Variants in AGBL4 observed in about 807,000 individuals in gnomAD.
The protein encoded by AGBL4 is cytosolic carboxypeptidase 6.
In AGBL4, 58 loss-of-function variants were observed where a neutral mutation model predicts 66.4. That is an observed-to-expected ratio of 0.87 (90% confidence interval 0.71 to 1.09). The LOEUF (loss-of-function observed/expected upper bound fraction) is 1.09, where lower values mean the gene tolerates loss of function less well. AGBL4 is among the 50% of genes least tolerant of loss of function. The pLI, the probability that AGBL4 is intolerant of heterozygous loss-of-function variation, is 0.00. For synonymous variants in AGBL4, 234 were observed against 222.9 expected (o/e 1.05, Z -0.44); for missense variants, 579 against 631.0 (o/e 0.92, Z 0.88).
chr1:49,965,939 ATTTT>A (rs1166636337), intron 1 of AGBL4, among the ~76,000 whole-genome samples: 1 of 136,508 alleles, frequency 7.3e-6, no homozygotes. Flanking sequence ...TATTACAATG[ATTTT>A]TTTTTTTTTT....
At chr1:48,692,336 C>G (rs1055657593) in intron 6 of AGBL4, among the ~76,000 whole-genome samples, 9 of 152,186 alleles carry the variant, frequency 5.9e-5, no homozygotes, top group African/African-American at 1.9e-4. Context: ...AGAACCAGTA[C>G]TGGGGGCGGC....
intron 6 of AGBL4, among the ~76,000 whole-genome samples, chr1:48,747,188 C>T (rs1026148359): frequency 6.6e-6 from 1 of 152,040 alleles, no homozygotes; most frequent in African/African-American, 2.4e-5. Context: ...TACAATCTGG[C>T]GCAGATATTT....
chr1:49,851,761 A>G (rs1646311611), intron 1 of AGBL4, among the ~76,000 whole-genome samples: 1 of 152,158 alleles, frequency 6.6e-6, no homozygotes, highest in Non-Finnish European at 1.5e-5. Context: ...GTATCTTTAC[A>G]CTTCAGTTCC....
chr1:49,692,278 G>C lies in AGBL4; in HGVS notation c.282+5035C>G, dbSNP rs1292132228. Among the ~76,000 whole-genome samples, 6 of 152,302 alleles carry C rather than the reference G, an allele frequency of 3.9e-5. No individual in the cohort carries two copies. The South Asian group carries it at 1.2e-3, about 32-fold the overall frequency. On this transcript the variant is annotated intron_variant, in intron 3 of 13. Coordinates refer to ENST00000371839, the MANE Select transcript of AGBL4 (RefSeq NM_032785.4). ...TGATCACAGGTAAAACGGCTCATAA[G>C]TAAGAGTCAGAAATATAAACCAAAA...
intron 4 of AGBL4, among the ~76,000 whole-genome samples, chr1:49,113,671 T>C (rs923897024): frequency 6.6e-6 from 1 of 152,256 alleles, no homozygotes; most frequent in African/African-American, 2.4e-5. Context: ...ATAAAATGTA[T>C]TTCTTAAATA....
Position 48,935,630 on chromosome 1 carries a change from G to A in AGBL4, c.595-68400C>T, listed in dbSNP as rs191361360. On this transcript the variant is annotated intron_variant, in intron 5 of 13. Transcript: ENST00000371839. ...CATTGAGTTCCTCAAACCCCAACAT[G>A]CAAGAAAATGTCAAGTTACCTGGTT... Among the ~76,000 whole-genome samples, 3 of 152,064 alleles carry A rather than the reference G, an allele frequency of 2.0e-5. No homozygotes were observed. The East Asian group carries it at 5.8e-4, about 29-fold the overall frequency.
In AGBL4 at chr1:49,783,241, A is replaced by G. The variant is rs376224457; in HGVS notation, c.157+68155T>C. 1.2e-4 allele frequency among the ~76,000 whole-genome samples: 19 copies of G among 152,308 alleles called. No homozygotes were observed. The South Asian group carries it at 3.9e-3, about 32-fold the overall frequency. ...AAACTTCTCATAAAAATATCACCAGAAAAGAAAACTAAAGATCAATATCTT... is the reference window on the plus strand; with the variant it reads ...AAACTTCTCATAAAAATATCACCAGGAAAGAAAACTAAAGATCAATATCTT... On this transcript the variant is annotated intron_variant, in intron 2 of 13. Transcript: ENST00000371839.
At chr1:48,845,078 A>G (rs1383195426) in intron 6 of AGBL4, among the ~76,000 whole-genome samples, 1 of 152,240 alleles carries the variant, frequency 6.6e-6, no homozygotes, top group East Asian at 1.9e-4. Flanking sequence ...GACCAGTCCC[A>G]AGGAGAGGCA....
chr1:48,837,003 T>C (rs1646691217), intron 6 of AGBL4, among the ~76,000 whole-genome samples: 1 of 148,108 alleles, frequency 6.8e-6, no homozygotes, highest in African/African-American at 2.4e-5. Flanking sequence ...CATCATATAT[T>C]ATATATAGTA....
In AGBL4 at chr1:49,362,449, C is replaced by CAA. The variant is rs145467066; in HGVS notation, c.283-116587_283-116586dup. ...TGGGCAACAGAGCAAGACCCTGTCT[C>CAA]AAAAAAAAAAAAAAAAAAAAAAAAG... On this transcript the variant is annotated intron_variant, in intron 3 of 13. Coordinates refer to ENST00000371839, the MANE Select transcript of AGBL4 (RefSeq NM_032785.4). Among the ~76,000 whole-genome samples the CAA allele has an allele frequency of 3.4e-3, 271 of 80,554 alleles. 1 individual carries two copies. Among genetic ancestry groups the CAA allele is most frequent in the East Asian group, 9.5e-3 (18 of 1,900 alleles). 52.8% of individuals were successfully genotyped at this position (80,554 alleles called of 152,430 possible). A position where few individuals can be genotyped will look rare whatever the true frequency, so the allele number is the denominator to read the frequency against.
intron 3 of AGBL4, among the ~76,000 whole-genome samples, chr1:49,575,300 C>T (rs1644414538): frequency 1.3e-5 from 2 of 152,172 alleles, no homozygotes; most frequent in Admixed American, 1.3e-4. Flanking sequence ...TCCCTCAACT[C>T]ATCCTGTGGT....
chr1:49,431,945 G>T (rs867239731), intron 3 of AGBL4, among the ~76,000 whole-genome samples: 2 of 152,064 alleles, frequency 1.3e-5, no homozygotes, highest in Non-Finnish European at 2.9e-5. Context: ...AACAGCTATT[G>T]CCCTTGTACA....
intron 2 of AGBL4, among the ~76,000 whole-genome samples, chr1:49,770,816 T>A (rs1644035240): frequency 6.6e-6 from 1 of 152,182 alleles, no homozygotes; most frequent in Non-Finnish European, 1.5e-5. Context: ...TTCATAGGAA[T>A]CTCTTATGAT....
chr1:49,545,687 A>C (rs1327558955), intron 3 of AGBL4, among the ~76,000 whole-genome samples: 1 of 152,198 alleles, frequency 6.6e-6, no homozygotes, highest in African/African-American at 2.4e-5. Flanking sequence ...AAACATATGT[A>C]AAATTTTAGC....
chr1:49,874,011 G>T (rs934340238), intron 1 of AGBL4, among the ~76,000 whole-genome samples: 6 of 152,004 alleles, frequency 3.9e-5, no homozygotes, highest in Admixed American at 1.3e-4. Context: ...ACCAAAAATA[G>T]CATGGACATC....
rs1289833348 is a variant in AGBL4 at position 49,245,839 on chromosome 1, A to T, written c.308T>A (p.Phe103Tyr). Residue 103 changes from phenylalanine to tyrosine, a missense_variant, in exon 4 of 14, where the codon TTC becomes TAC. By Grantham distance (22) the Phe-to-Tyr change is conservative. Transcript: ENST00000371839. ...SQRVIFNIVN[F>Y]SKTKSLYRDG... is the part of the protein sequence containing the mutation. ...TCTATAGAGACTCTTGGTTTTACTG[A>T]AGTTAACAATGTTGAAAATGACCCT... 1 of 1,549,550 alleles carries T rather than the reference A, an allele frequency of 6.5e-7. No homozygotes were observed. Among genetic ancestry groups the T allele is most frequent in the East Asian group, 2.4e-5 (1 of 40,860 alleles).
At chr1:49,668,567 A>C (rs1280574596) in intron 3 of AGBL4, among the ~76,000 whole-genome samples, 1 of 152,162 alleles carries the variant, frequency 6.6e-6, no homozygotes, top group African/African-American at 2.4e-5. Flanking sequence ...GTGTGTCAGA[A>C]ATCTACCAGT....
intron 6 of AGBL4, among the ~76,000 whole-genome samples, chr1:48,709,217 A>G (rs371440461): frequency 6.6e-6 from 1 of 152,164 alleles, no homozygotes; most frequent in Non-Finnish European, 1.5e-5. Context: ...CACGAAGTTC[A>G]ACGAAATGCC....
chr1:49,939,393 A>C (rs1654491543), intron 1 of AGBL4, among the ~76,000 whole-genome samples: 1 of 152,208 alleles, frequency 6.6e-6, no homozygotes, highest in South Asian at 2.1e-4. Context: ...CCACATTGCC[A>C]AGCCAATCCT....
Sources: allele counts gnomAD v4.1 joint callset (sites outside exome capture counted in the v4.1 genomes callset), GRCh38; gene constraint gnomAD v4.1.1; transcripts MANE v1.5; gene names NCBI Gene and HGNC (gene_info 2026-07-23, HGNC 2026-07-21).